The following KIF9 variants were observed in gnomAD, a reference collection of about 807,000 sequenced individuals.
KIF9 encodes kinesin family member 9.
Under a neutral mutation model 94.8 loss-of-function variants are expected in KIF9, and 68 were observed. The observed-to-expected ratio is 0.72, with a 90% CI of 0.59 to 0.88. The LOEUF is 0.88. KIF9 is among the 40% of genes least tolerant of loss of function. The pLI is 0.00. For synonymous variants in KIF9, 343 were observed against 362.1 expected, an observed-to-expected ratio of 0.95 and a Z score of 0.60; for missense variants, 882 against 982.5, an observed-to-expected ratio of 0.90 and a Z score of 1.37.
chr3:47,247,173 T>C (rs1358598912), intron 12 of KIF9, among the ~76,000 whole-genome samples, 200 bp downstream of exon 12: 2 of 152,184 alleles, frequency 1.3e-5, no homozygotes, highest in African/African-American at 4.8e-5. Context: ...GATTCAATCC[T>C]AGAAAGCCTG....
intron 4 of KIF9, among the ~76,000 whole-genome samples, chr3:47,272,409 C>A (rs888602277): frequency 2.6e-5 from 4 of 152,092 alleles, no homozygotes; most frequent in Non-Finnish European, 4.4e-5. Flanking sequence ...AAAACTGATG[C>A]AATTCAGTTA....
At chr3:47,267,937 T>A (rs1258158179) in intron 5 of KIF9, among the ~76,000 whole-genome samples, 2 of 150,750 alleles carry the variant, frequency 1.3e-5, no homozygotes, top group African/African-American at 2.4e-5. Flanking sequence ...GGTGGCACGA[T>A]CTCGGCTCAC....
chr3:47,271,611 A>G (rs1012816718), intron 4 of KIF9, 150 bp from the exon 5 acceptor site: 47 of 644,052 alleles, frequency 7.3e-5, no homozygotes, highest in Non-Finnish European at 1.1e-4. Context: ...ATCATCTTGT[A>G]GTGTTTTGAG....
intron 9 of KIF9, among the ~76,000 whole-genome samples, chr3:47,260,928 T>C (rs1700930697): frequency 6.6e-6 from 1 of 152,184 alleles, no homozygotes; most frequent in African/African-American, 2.4e-5. Flanking sequence ...ACATCTCAGG[T>C]GGACTGAGAC....
chr3:47,262,506 G>C (rs1228635474), intron 9 of KIF9, among the ~76,000 whole-genome samples: 1 of 152,080 alleles, frequency 6.6e-6, no homozygotes, highest in African/African-American at 2.4e-5. Flanking sequence ...CTTACCTCAA[G>C]GAGTGATCTG....
chr3:47,269,634 C>T (rs1701509041), intron 5 of KIF9, among the ~76,000 whole-genome samples: 1 of 152,082 alleles, frequency 6.6e-6, no homozygotes, highest in Non-Finnish European at 1.5e-5. Context: ...TGGAGTCTTA[C>T]TCTATTGCCC....
rs149968984 is a variant in KIF9, at chr3:47,236,467, G to T, written c.2077C>A (p.Gln693Lys). The change falls in exon 18 of 21, where the codon CAG becomes AAG. Residue 693 changes from glutamine (Q) to lysine (K), a missense_variant. Gln to Lys is a moderately conservative substitution (Grantham distance 53, BLOSUM62 1). Transcript: ENST00000684063. Reference sequence around the variant, plus strand: ...CCCATGAGCAGGCGGTGGCGACACTGATCCACTAGGTGCTGGCAATACTGG... The same window carrying T: ...CCCATGAGCAGGCGGTGGCGACACTTATCCACTAGGTGCTGGCAATACTGG... ...EIQYCQHLVD[Q>K]CRHRLLMEFD... 6.2e-7 allele frequency: 1 copy of T among 1,613,304 alleles called. No individual in the cohort carries two copies. Among genetic ancestry groups the T allele is most frequent in the African/African-American group, 1.3e-5 (1 of 74,888 alleles).
chr3:47,247,941 C>T (rs1167609803), intron 11 of KIF9, 77 bp downstream of exon 11: 1 of 1,127,084 alleles, frequency 8.9e-7, no homozygotes. Context: ...ATGATGCTGT[C>T]TGCCCCTAGC....
chr3:47,261,559 C>G (rs1700975066), intron 9 of KIF9, among the ~76,000 whole-genome samples: 1 of 152,188 alleles, frequency 6.6e-6, no homozygotes, highest in Non-Finnish European at 1.5e-5. Context: ...ATGAATGATC[C>G]TGAAATGAGG....
intron 1 of KIF9, among the ~76,000 whole-genome samples, chr3:47,279,734 A>G (rs1030388438): frequency 2.0e-5 from 3 of 151,232 alleles, no homozygotes; most frequent in African/African-American, 4.9e-5. Flanking sequence ...CTCCTGCCTC[A>G]GCCTCCCGAG....
rs1408758358 is a variant in KIF9 at position 47,271,377 on chromosome 3, C to A, written c.451G>T (p.Asp151Tyr). 2 of 1,613,988 alleles carry A rather than the reference C, an allele frequency of 1.2e-6. No individual in the cohort carries two copies. Among genetic ancestry groups the A allele is most frequent in the African/African-American group, 1.3e-5 (1 of 75,002 alleles). Residue 151 changes from aspartate to tyrosine, a missense_variant, in exon 5 of 21, where the codon GAT becomes TAT. Asp to Tyr is a radical substitution (Grantham distance 160). Transcript: ENST00000684063. ...YLEIYNESLFDLLSTLPYVGP... is the reference protein window; with the variant it reads ...YLEIYNESLFYLLSTLPYVGP... Reference sequence around the variant, plus strand: ...ACATAGGGCAGAGTGGACAGGAGATCAAACAGGCTCTCATTATAGATTTCC... The same window carrying A: ...ACATAGGGCAGAGTGGACAGGAGATAAAACAGGCTCTCATTATAGATTTCC...
chr3:47,250,475 G>A, intron 10 of KIF9: 1 of 355,788 alleles, frequency 2.8e-6, no homozygotes, highest in Non-Finnish European at 6.0e-6. Context: ...CACATAGTAA[G>A]CACTCCATAG....
intron 20 of KIF9, among the ~76,000 whole-genome samples, chr3:47,229,650 C>T (rs1698406079): frequency 6.6e-6 from 1 of 151,812 alleles, no homozygotes; most frequent in Admixed American, 6.6e-5. Context: ...TAAAAATGGC[C>T]AACACAGAGA....
intron 7 of KIF9, 184 bp from the exon 8 acceptor site, chr3:47,266,061 C>T: frequency 1.8e-6 from 1 of 567,836 alleles, no homozygotes; most frequent in Non-Finnish European, 3.1e-6. Flanking sequence ...AATGGTAATA[C>T]CAAAACTCAG....
chr3:47,273,803 T>C, intron 3 of KIF9, 145 bp from the exon 4 acceptor site: 1 of 713,566 alleles, frequency 1.4e-6, no homozygotes, highest in Admixed American at 2.1e-5. Context: ...AATTCCACCA[T>C]GGAAGAGGAT....
intron 10 of KIF9, 188 bp from the exon 11 acceptor site, chr3:47,248,274 T>A: frequency 1.7e-6 from 1 of 596,926 alleles, no homozygotes. Context: ...CTAACTGGGG[T>A]GAGTTTAGGG....
At chr3:47,260,304 C>T (rs34503188) in intron 9 of KIF9, among the ~76,000 whole-genome samples, 4 of 150,484 alleles carry the variant, frequency 2.7e-5, no homozygotes, top group East Asian at 2.0e-4. Flanking sequence ...TCCCCCTCTT[C>T]GAGAAACACC....
At position 47,263,193 on chromosome 3, in the gene KIF9, G is replaced by A. The variant is rs187103321; in HGVS notation, c.981+1093C>T. Among the ~76,000 whole-genome samples, 8 of 152,244 alleles carry A rather than the reference G, an allele frequency of 5.3e-5. 1 individual carries two copies. The South Asian group carries it at 6.2e-4, about 12-fold the overall frequency. ...ATTACAGGCGTGAACCACCACGCCCGGCCCCTAATCTGTCTTATTTATGAT... is the reference window on the plus strand; with the variant it reads ...ATTACAGGCGTGAACCACCACGCCCAGCCCCTAATCTGTCTTATTTATGAT... On this transcript the variant is annotated intron_variant, in intron 9 of 20. Transcript: ENST00000684063.
intron 10 of KIF9, among the ~76,000 whole-genome samples, chr3:47,255,614 G>A (rs939823283): frequency 6.6e-6 from 1 of 152,174 alleles, no homozygotes; most frequent in Non-Finnish European, 1.5e-5. Flanking sequence ...GACTGATGTT[G>A]AACTACAGGT....
Sources: allele counts gnomAD v4.1 joint callset (sites outside exome capture counted in the v4.1 genomes callset), GRCh38; gene constraint gnomAD v4.1.1; transcripts MANE v1.5; gene names NCBI Gene and HGNC (gene_info 2026-07-23, HGNC 2026-07-21).